DENND1A: variants seen among roughly 807,000 people sequenced by gnomAD.
DENND1A encodes the protein DENN domain containing 1A, also known as DENN domain-containing protein 1A.
In DENND1A, 51 loss-of-function variants were observed where a neutral mutation model predicts 113.7. That is an observed-to-expected ratio of 0.45 (90% CI 0.36 to 0.57). The LOEUF (loss-of-function observed/expected upper bound fraction) is 0.57. Ranked by LOEUF, DENND1A falls within the 20% of genes least tolerant of loss-of-function variation. DENND1A has a pLI of 0.00. For missense variants in DENND1A, 1,258 were observed against 1,395.9 expected, an observed-to-expected ratio of 0.90 and a Z score of 1.57; for synonymous variants, 565 against 570.8, an observed-to-expected ratio of 0.99 and a Z score of 0.14.
At chr9:123,482,842 CA>C (rs764804977) in intron 13 of DENND1A, among the ~76,000 whole-genome samples, 9 of 152,100 alleles carry the variant, frequency 5.9e-5, no homozygotes, top group Non-Finnish European at 1.0e-4. Context: ...GGAGGAGTGC[CA>C]GGGGAAATGA....
At chr9:123,744,965 A>AG (rs1377442046) in intron 5 of DENND1A, among the ~76,000 whole-genome samples, 5 of 151,992 alleles carry the variant, frequency 3.3e-5, no homozygotes, top group South Asian at 2.1e-4. Flanking sequence ...TAGGAGAGAC[A>AG]GGGTTTCACC....
At chr9:123,423,408 G>C (rs1023636546) in intron 19 of DENND1A, among the ~76,000 whole-genome samples, 2 of 152,164 alleles carry the variant, frequency 1.3e-5, no homozygotes, top group Non-Finnish European at 2.9e-5. Context: ...CTTGGCGGTA[G>C]ACCTTAAGAC....
At chr9:123,506,273 C>T (rs1300046330) in intron 13 of DENND1A, among the ~76,000 whole-genome samples, 4 of 152,060 alleles carry the variant, frequency 2.6e-5, no homozygotes, top group East Asian at 3.9e-4. Context: ...ATTAGTGCCC[C>T]GCACGGAGTA....
chr9:123,920,407 C>T (rs185447923), intron 1 of DENND1A, among the ~76,000 whole-genome samples: 1 of 151,972 alleles, frequency 6.6e-6, no homozygotes, highest in Non-Finnish European at 1.5e-5. Context: ...CCAGCCTGGG[C>T]GACAAGAGCA....
chr9:123,557,438 C>T, intron 13 of DENND1A, 132 bp downstream of exon 13: 1 of 1,374,452 alleles, frequency 7.3e-7, no homozygotes, highest in Non-Finnish European at 9.9e-7. Flanking sequence ...CACTGTCCCC[C>T]ACCACAAACA....
chr9:123,521,332 G>A (rs2054378349), intron 13 of DENND1A, among the ~76,000 whole-genome samples: 1 of 152,164 alleles, frequency 6.6e-6, no homozygotes, highest in Admixed American at 6.5e-5. Context: ...GCCCGTGGGA[G>A]GCAGCCTCGT....
chr9:123,676,863 C>T, intron 5 of DENND1A, 74 bp from the exon 6 acceptor site: 2 of 1,395,046 alleles, frequency 1.4e-6, no homozygotes, highest in Non-Finnish European at 1.0e-6. Context: ...TAATTCAAGA[C>T]TGATACATTT....
At chr9:123,392,182 C>T (rs1323512522) in intron 21 of DENND1A, among the ~76,000 whole-genome samples, 2 of 152,158 alleles carry the variant, frequency 1.3e-5, no homozygotes, top group Admixed American at 6.5e-5. Context: ...TGCTCTCTGC[C>T]GCGCCGGGAT....
chr9:123,440,160 G>A, intron 19 of DENND1A, 200 bp downstream of exon 19: 1 of 564,100 alleles, frequency 1.8e-6, no homozygotes, highest in Non-Finnish European at 3.0e-6. Context: ...CCTCAGCCGT[G>A]CTGTCTCCTC....
chr9:123,676,635 G>C, intron 6 of DENND1A, 85 bp downstream of exon 6: 5 of 1,301,160 alleles, frequency 3.8e-6, no homozygotes, highest in Non-Finnish European at 5.3e-6. Context: ...TCACTTTTTT[G>C]GTAAAATATA....
At chr9:123,639,840 T>C (rs1241302271) in intron 9 of DENND1A, among the ~76,000 whole-genome samples, 1 of 151,322 alleles carries the variant, frequency 6.6e-6, no homozygotes, top group African/African-American at 2.4e-5. Context: ...TGAATTCACA[T>C]TACTATCTGC....
intron 5 of DENND1A, among the ~76,000 whole-genome samples, chr9:123,744,220 G>A (rs748267184): frequency 1.3e-4 from 20 of 152,168 alleles, no homozygotes; most frequent in African/African-American, 4.8e-4. Flanking sequence ...GATCCCCCAC[G>A]TCATTTTTTT....
intron 1 of DENND1A, among the ~76,000 whole-genome samples, chr9:123,883,441 A>G (rs998542143): frequency 6.6e-6 from 1 of 152,190 alleles, no homozygotes; most frequent in Non-Finnish European, 1.5e-5. Flanking sequence ...AACTTTAGCA[A>G]GTACTATAGT....
intron 10 of DENND1A, among the ~76,000 whole-genome samples, chr9:123,628,602 A>C (rs2061343278): frequency 1.3e-5 from 2 of 152,174 alleles, no homozygotes. Context: ...ATCTGTTATA[A>C]GGGGTTTACA....
intron 3 of DENND1A, among the ~76,000 whole-genome samples, chr9:123,789,506 A>C (rs528676858): frequency 6.6e-6 from 1 of 152,122 alleles, no homozygotes; most frequent in Non-Finnish European, 1.5e-5. Flanking sequence ...TTCTGCTTCT[A>C]AACGAGAAGC....
In DENND1A at chr9:123,928,656, T is replaced by C. The variant is rs576558686; in HGVS notation, c.17+1233A>G. The C allele has an allele frequency of 5.1e-6, 5 of 985,440 alleles. No individual in the cohort carries two copies. In the South Asian group the frequency reaches 1.9e-4, roughly 37 times the overall value. The allele number at this position is 985,440 out of a possible 1,614,324, so 61.0% of individuals were successfully genotyped here. A position where few individuals can be genotyped will look rare whatever the true frequency, so the allele number is the denominator to read the frequency against. On this transcript the variant is annotated intron_variant, in intron 1 of 23. Coordinates refer to ENST00000394215, the MANE Select transcript of DENND1A (RefSeq NM_001352964.2). Reference sequence around the variant, plus strand: ...CTCAAGGCTGCTGCAGCGCATCTCATACATATTTTGTAAATGAGAAGCCTA... The same window carrying C: ...CTCAAGGCTGCTGCAGCGCATCTCACACATATTTTGTAAATGAGAAGCCTA...
chr9:123,454,781 TG>T lies in DENND1A; in HGVS notation c.1187-3del. 2 of 1,553,904 alleles carry T rather than the reference TG, an allele frequency of 1.3e-6. No homozygotes were observed. Among genetic ancestry groups the T allele is most frequent in the Non-Finnish European group, 1.7e-6 (2 of 1,148,224 alleles). On this transcript the variant is annotated splice_polypyrimidine_tract_variant and splice_region_variant and intron_variant, in intron 15 of 23. Transcript: ENST00000394215. ...ACTGATGGTACAGTTTGTCACTGCC[TG>T]GGGAAAGAGAATTCAGAGAAGCTGT... is the stretch of plus-strand genomic sequence containing the variant.
chr9:123,884,951 T>C (rs1406651609), intron 1 of DENND1A, among the ~76,000 whole-genome samples: 2 of 151,994 alleles, frequency 1.3e-5, no homozygotes, highest in African/African-American at 2.4e-5. Context: ...GGAAGTATTA[T>C]TGTTCAACAA....
chr9:123,873,663 A>G (rs189352478), intron 2 of DENND1A, among the ~76,000 whole-genome samples: 2 of 152,360 alleles, frequency 1.3e-5, no homozygotes, highest in East Asian at 3.9e-4. Flanking sequence ...TTTAGAGGTT[A>G]ACTTTTCTGA....
Sources: gnomAD v4.1 joint callset for allele counts (sites outside exome capture counted in the v4.1 genomes callset) on GRCh38, gnomAD v4.1.1 for gene constraint, MANE v1.5 for transcripts, NCBI Gene and HGNC (gene_info 2026-07-23, HGNC 2026-07-21) for gene names.